The following NLN variants were observed in gnomAD, a reference collection of about 807,000 sequenced individuals.
NLN encodes the protein neurolysin, mitochondrial.
NLN carries 64 observed loss-of-function variants against 79.9 expected under a neutral mutation model. That is an observed-to-expected ratio of 0.80 (90% CI 0.65 to 0.99). The LOEUF is 0.99. Ranked by LOEUF, NLN falls within the 50% of genes least tolerant of loss-of-function variation. NLN has a pLI of 0.00. For missense variants in NLN, 835 were observed against 858.7 expected (o/e 0.97, Z 0.34); for synonymous variants, 267 against 296.6 (o/e 0.90, Z 1.02).
chr5:65,753,862 G>A (rs568359613), intron 1 of NLN, among the ~76,000 whole-genome samples: 21 of 152,198 alleles, frequency 1.4e-4, no homozygotes, highest in Non-Finnish European at 2.8e-4. Context: ...AGTACAGCCC[G>A]TCATGGCCAT....
chr5:65,793,133 C>T (rs1760103721), intron 9 of NLN: 1 of 259,002 alleles, frequency 3.9e-6, no homozygotes, highest in Non-Finnish European at 7.6e-6. Context: ...ATAGTCTAAC[C>T]ATGCAAAGAA....
intron 9 of NLN, among the ~76,000 whole-genome samples, chr5:65,800,778 C>T (rs558232181): frequency 3.9e-5 from 6 of 151,980 alleles, no homozygotes; most frequent in Non-Finnish European, 5.9e-5. Flanking sequence ...TCAGCCTCCA[C>T]CTTCCAGGCT....
At chr5:65,746,780 G>A (rs1008776377) in intron 1 of NLN, among the ~76,000 whole-genome samples, 26 of 152,130 alleles carry the variant, frequency 1.7e-4, no homozygotes, top group Non-Finnish European at 2.9e-5. Flanking sequence ...CGAGGCAGGC[G>A]GATCACAAGG....
In NLN at chr5:65,722,372, C is replaced by G; in HGVS notation, c.-2C>G. 6.3e-7 allele frequency: 1 copy of G among 1,581,916 alleles called. No homozygotes were observed. Among genetic ancestry groups the G allele is most frequent in the Non-Finnish European group, 8.6e-7 (1 of 1,166,466 alleles). On this transcript the variant is annotated 5_prime_UTR_variant, in exon 1 of 13. Transcript: ENST00000380985. ...CGCCGCCGCCAGCCTCTCAGCGCTC[C>G]CATGATCGCCCGGTGCCTTTTGGCT...
chr5:65,790,442 A>C (rs1760029642), intron 8 of NLN, among the ~76,000 whole-genome samples: 1 of 152,194 alleles, frequency 6.6e-6, no homozygotes, highest in African/African-American at 2.4e-5. Context: ...AGACCTCAGG[A>C]AACTTACAAT....
At chr5:65,749,271 G>A (rs772727158) in intron 1 of NLN, among the ~76,000 whole-genome samples, 3 of 152,210 alleles carry the variant, frequency 2.0e-5, no homozygotes, top group South Asian at 2.1e-4. Context: ...AAAGAGTTTA[G>A]TTGATGACAG....
intron 11 of NLN, among the ~76,000 whole-genome samples, chr5:65,810,709 G>A (rs1228919916): frequency 6.6e-6 from 1 of 152,142 alleles, no homozygotes; most frequent in African/African-American, 2.4e-5. Context: ...GCCTGGCATG[G>A]TGGCTCACAC....
At position 65,788,369 on chromosome 5, in the gene NLN, T is replaced by C; in HGVS notation, c.1210T>C (p.Ser404Pro). The C allele has an allele frequency of 6.2e-7, 1 of 1,614,196 alleles. No homozygotes were observed. Among genetic ancestry groups the C allele is most frequent in the Admixed American group, 1.7e-5 (1 of 60,022 alleles). Reference protein sequence around the residue: ...LNTYQELLGLSFEQMTDAHVW... With the variant: ...LNTYQELLGLPFEQMTDAHVW... ...CACCTACCAGGAGTTGTTGGGACTTTCATTTGAACAAATGACAGATGCTCA... is the reference window on the plus strand; with the variant it reads ...CACCTACCAGGAGTTGTTGGGACTTCCATTTGAACAAATGACAGATGCTCA... Residue 404 changes from serine to proline, a missense_variant, in exon 8 of 13, where the codon TCA (serine) becomes CCA (proline). Ser to Pro is a moderately conservative substitution (Grantham distance 74). Coordinates refer to ENST00000380985, the MANE Select transcript of NLN (RefSeq NM_020726.5).
Position 65,777,304 on chromosome 5 carries a change from C to T in NLN, c.451-123C>T, listed in dbSNP as rs1375005652. 14 of 694,060 alleles carry T rather than the reference C, an allele frequency of 2.0e-5. No homozygotes were observed. In the Admixed American group the frequency reaches 2.1e-4, roughly 10 times the overall value. The allele number at this position is 694,060 out of a possible 1,614,324, so 43.0% of individuals were successfully genotyped here. ...ATTAGGTCTTCAATAGGGCCTGCCT[C>T]GTAATCACCTATGTGCTTCATAACC... On this transcript the variant is annotated intron_variant, in intron 3 of 12. Transcript: ENST00000380985.
At position 65,785,869 on chromosome 5, in the gene NLN, T is replaced by C; in HGVS notation, c.917T>C (p.Met306Thr). 6.2e-7 allele frequency: 1 copy of C among 1,613,558 alleles called. No individual in the cohort carries two copies. The highest frequency in any genetic ancestry group is 8.5e-7 in the Non-Finnish European group (1 of 1,179,848). Residue 306 changes from methionine to threonine, a missense_variant, in exon 7 of 13, where the codon ATG becomes ACG. Met to Thr is a moderately conservative substitution (Grantham distance 81). Coordinates refer to ENST00000380985, the MANE Select transcript of NLN (RefSeq NM_020726.5). The part of the protein sequence containing the change: ...YSTHADFVLE[M>T]NTAKSTSRVT... ...ACACATGCTGACTTCGTCCTTGAAA[T>C]GAACACTGCAAAGAGCACAAGCCGC...
In NLN at chr5:65,801,138, C is replaced by T. The variant is rs943555220; in HGVS notation, c.1528-8377C>T. On this transcript the variant is annotated intron_variant, in intron 9 of 12. Transcript: ENST00000380985. ...CTAAAACTCTTTGAAGTGTCAGCTA[C>T]AAAAAATATTTGTTAATTGGATTAT... 6.2e-4 allele frequency among the ~76,000 whole-genome samples: 95 copies of T among 152,234 alleles called. 2 individuals are homozygous for T. The highest frequency in any genetic ancestry group is 1.9e-4 in the Non-Finnish European group (13 of 68,006).
intron 1 of NLN, among the ~76,000 whole-genome samples, chr5:65,725,850 C>A (rs1031785288): frequency 6.6e-6 from 1 of 152,172 alleles, no homozygotes; most frequent in Non-Finnish European, 1.5e-5. Context: ...CGGTGGCTCA[C>A]GCCTGTAATC....
At chr5:65,821,909 G>A (rs1009274404) in intron 12 of NLN, among the ~76,000 whole-genome samples, 4 of 152,238 alleles carry the variant, frequency 2.6e-5, no homozygotes, top group Middle Eastern at 3.4e-3. Context: ...GTTGTTATAC[G>A]ACAGAGCTGG....
intron 3 of NLN, among the ~76,000 whole-genome samples, chr5:65,769,709 T>G (rs1370839101): frequency 6.6e-6 from 1 of 152,216 alleles, no homozygotes; most frequent in East Asian, 1.9e-4. Context: ...ATAACCTTGA[T>G]TCCAATCTTA....
chr5:65,741,325 G>A (rs1758864324), intron 1 of NLN, among the ~76,000 whole-genome samples: 1 of 152,068 alleles, frequency 6.6e-6, no homozygotes. Context: ...TATTTTGATA[G>A]GGATTGCATT....
chr5:65,772,405 T>G (rs1271106480), intron 3 of NLN, among the ~76,000 whole-genome samples: 2 of 152,198 alleles, frequency 1.3e-5, no homozygotes, highest in African/African-American at 4.8e-5. Context: ...GATGCCTCAC[T>G]TCAGCAACCT....
At chr5:65,738,252 T>C (rs553086198) in intron 1 of NLN, among the ~76,000 whole-genome samples, 1 of 151,886 alleles carries the variant, frequency 6.6e-6, no homozygotes, top group Non-Finnish European at 1.5e-5. Context: ...GAGATTGATA[T>C]GGAAGATCAG....
intron 9 of NLN, among the ~76,000 whole-genome samples, chr5:65,808,050 C>T (rs1760456112): frequency 1.3e-5 from 2 of 152,012 alleles, no homozygotes; most frequent in African/African-American, 4.8e-5. Flanking sequence ...TTCTGGGGAC[C>T]CTTACCTCTT....
intron 1 of NLN, among the ~76,000 whole-genome samples, chr5:65,739,524 A>G (rs368893325): frequency 1.3e-5 from 2 of 152,176 alleles, no homozygotes; most frequent in African/African-American, 2.4e-5. Context: ...TTAAAGATAT[A>G]TTCCCAGTAG....
Sources: gnomAD v4.1 joint callset for allele counts (sites outside exome capture counted in the v4.1 genomes callset) on GRCh38, gnomAD v4.1.1 for gene constraint, MANE v1.5 for transcripts, NCBI Gene and HGNC (gene_info 2026-07-23, HGNC 2026-07-21) for gene names.